GTF2F1: variants seen among roughly 807,000 people sequenced by gnomAD.
The protein encoded by GTF2F1 is general transcription factor IIF subunit 1, also known as general transcription factor IIF 74 kDa subunit.
Under a neutral mutation model 63.5 loss-of-function variants are expected in GTF2F1, and 39 were observed. The observed-to-expected ratio is 0.61, with a 90% CI of 0.48 to 0.80. The LOEUF (loss-of-function observed/expected upper bound fraction) is 0.80, where lower values mean the gene tolerates loss of function less well. Ranked by LOEUF, GTF2F1 falls within the 30% of genes least tolerant of loss-of-function variation. The probability of loss-of-function intolerance (pLI) is 0.00; values close to 1 mark genes in which losing one functional copy is unlikely to be tolerated. For synonymous variants in GTF2F1, 287 were observed against 285.3 expected, an observed-to-expected ratio of 1.01 and a Z score of -0.06; for missense variants, 657 against 718.3, an observed-to-expected ratio of 0.91 and a Z score of 0.97.
At chr19:6,386,396 A>C (rs988602332) in intron 5 of GTF2F1, among the ~76,000 whole-genome samples, 4 of 147,424 alleles carry the variant, frequency 2.7e-5, no homozygotes, top group Non-Finnish European at 4.4e-5. Context: ...TCAAAAAAAA[A>C]CACACAAACA....
At chr19:6,384,923 A>G (rs185840773) in intron 5 of GTF2F1, among the ~76,000 whole-genome samples, 2 of 151,970 alleles carry the variant, frequency 1.3e-5, no homozygotes, top group African/African-American at 4.8e-5. Flanking sequence ...AGCTGGGATT[A>G]CAGGTGCCCG....
At position 6,385,182 on chromosome 19, in the gene GTF2F1, G is replaced by A. The variant is rs989882630; in HGVS notation, c.498-1687C>T. Among the ~76,000 whole-genome samples the A allele has an allele frequency of 2.8e-4, 43 of 151,722 alleles. 1 individual carries two copies. Among genetic ancestry groups the A allele is most frequent in the Non-Finnish European group, 5.9e-5 (4 of 67,922 alleles). On this transcript the variant is annotated intron_variant, in intron 5 of 12. Coordinates refer to ENST00000394456, the MANE Select transcript of GTF2F1 (RefSeq NM_002096.3). The stretch of plus-strand genomic sequence containing the variant: ...TGCCAAAGCGGGCAGATCACTTGAG[G>A]CCAGGAGTTGGAGACCAGCCTGGGC...
At chr19:6,389,825 C>A in intron 3 of GTF2F1, 188 bp from the exon 4 acceptor site, 1 of 516,530 alleles carries the variant, frequency 1.9e-6, no homozygotes, top group Non-Finnish European at 3.4e-6. Flanking sequence ...GCGAGCCTTG[C>A]GCTCTATTTT....
chr19:6,380,058 G>T lies in GTF2F1; in HGVS notation c.*223C>A, dbSNP rs2091940353. On this transcript the variant is annotated 3_prime_UTR_variant, in exon 13 of 13. Transcript: ENST00000394456. This position sits in a 1 kb window ranked among gnomAD's most constrained non-coding sequence, Gnocchi z 5.3. ...TAAGAAGGCCTAACAGGCATCTGAA[G>T]ATTCCAGAAGGAAGGGCCAGAGGAG... 1.2e-5 allele frequency: 7 copies of T among 598,840 alleles called. No homozygotes were observed. Among genetic ancestry groups the T allele is most frequent in the Admixed American group, 2.9e-5 (1 of 34,600 alleles). The allele number at this position is 598,840 out of a possible 1,614,324, so 37.1% of individuals were successfully genotyped here. A position where few individuals can be genotyped will look rare whatever the true frequency, so the allele number is the denominator to read the frequency against.
chr19:6,386,616 T>G (rs531731651), intron 5 of GTF2F1: 1 of 152,070 alleles, frequency 6.6e-6, no homozygotes, highest in Non-Finnish European at 1.5e-5. Flanking sequence ...GCTAATTTTT[T>G]GTATTTTTAG....
intron 5 of GTF2F1, chr19:6,387,057 G>A: frequency 6.7e-6 from 2 of 297,664 alleles, no homozygotes; most frequent in South Asian, 4.9e-5. Flanking sequence ...CTCCTCGGGT[G>A]CCCTGCCTGG....
At position 6,383,388 on chromosome 19, in the gene GTF2F1, G is replaced by T. The variant is rs146906617; in HGVS notation, c.605C>A (p.Ala202Glu). 4 of 1,614,042 alleles carry T rather than the reference G, an allele frequency of 2.5e-6. No individual in the cohort carries two copies. Among genetic ancestry groups the T allele is most frequent in the Non-Finnish European group, 1.7e-6 (2 of 1,180,036 alleles). The change falls in exon 6 of 13, where the codon GCG becomes GAG. Residue 202 changes from alanine (A) to glutamate (E), a missense_variant. Physicochemically the swap from Ala to Glu is moderately radical, Grantham distance 107 (BLOSUM62 -1). Around this residue, in one of 2 missense-constraint regions of GTF2F1, gnomAD observed 602 missense variants for 625.6 expected, o/e 0.96. Coordinates refer to ENST00000394456, the MANE Select transcript of GTF2F1 (RefSeq NM_002096.3). This position sits in a 1 kb window ranked among gnomAD's most constrained non-coding sequence, Gnocchi z 4.5. ...EEKEKRGRRKASELRIHDLED... is the reference protein window; with the variant it reads ...EEKEKRGRRKESELRIHDLED... ...CAGGTCGTGGATGCGCAGCTCGCTC[G>T]CCTTCCTGCGGCCACGTTTCTCCTT...
intron 3 of GTF2F1, among the ~76,000 whole-genome samples, chr19:6,389,969 AT>A (rs2091990134): frequency 6.6e-6 from 1 of 152,242 alleles, no homozygotes; most frequent in Admixed American, 6.5e-5. Flanking sequence ...AGACTTCCCT[AT>A]TATCTACAGC....
rs2091988209 is a variant in GTF2F1 at position 6,389,564 on chromosome 19, C to G, written c.206G>C (p.Ser69Thr). The change falls in exon 4 of 13, where the codon AGT becomes ACT. Residue 69 changes from serine (S) to threonine (T), a missense_variant. Ser to Thr is a moderately conservative substitution (Grantham distance 58). Coordinates refer to ENST00000394456, the MANE Select transcript of GTF2F1 (RefSeq NM_002096.3). ...EEEMPESGAGSEFNRKLREEA... is the reference protein window; with the variant it reads ...EEEMPESGAGTEFNRKLREEA... ...CTCCCGAAGCTTGCGGTTGAACTCA[C>G]TGCCCGCGCCCGATTCGGGCATCTC... 2 of 1,614,242 alleles carry G rather than the reference C, an allele frequency of 1.2e-6. No individual in the cohort carries two copies. Among genetic ancestry groups the G allele is most frequent in the East Asian group, 4.5e-5 (2 of 44,878 alleles).
At position 6,389,580 on chromosome 19, in the gene GTF2F1, C is replaced by A; in HGVS notation, c.190G>T (p.Glu64Ter). The change falls in exon 4 of 13, where the codon GAA (glutamate) becomes TAA (stop). Residue 64 changes from glutamate to a stop codon, truncating the protein, a stop_gained. Transcript: ENST00000394456. LOFTEE classifies it high-confidence loss of function. ...TTGAACTCACTGCCCGCGCCCGATT[C>A]GGGCATCTCCTCCTCTTGGTAGATT... ...KKIYQEEEMPESGAGSEFNRK... is the reference protein window; with the variant it reads ...KKIYQEEEMP The A allele has an allele frequency of 1.9e-6, 3 of 1,614,150 alleles. No individual in the cohort carries two copies. The highest frequency in any genetic ancestry group is 2.5e-6 in the Non-Finnish European group (3 of 1,180,028).
Position 6,383,600 on chromosome 19 carries a change from A to AT in GTF2F1, c.498-106dup, listed in dbSNP as rs1292639129. 1.6e-5 allele frequency: 20 copies of AT among 1,231,152 alleles called. No homozygotes were observed. The highest frequency in any genetic ancestry group is 2.2e-5 in the Non-Finnish European group (19 of 870,976). 76.3% of individuals were successfully genotyped at this position (1,231,152 alleles called of 1,614,324 possible). ...CACCACCCACATAGCCTTCAAGGTG[A>AT]TGTGGCCCCCGGGGACTTGGGCTGT... On this transcript the variant is annotated intron_variant, in intron 5 of 12. Coordinates refer to ENST00000394456, the MANE Select transcript of GTF2F1 (RefSeq NM_002096.3). This position sits in a 1 kb window ranked among gnomAD's most constrained non-coding sequence, Gnocchi z 4.5.
In GTF2F1 at chr19:6,393,099, C is replaced by T; in HGVS notation, c.-104G>A. On this transcript the variant is annotated 5_prime_UTR_variant, in exon 1 of 13. Transcript: ENST00000394456. ...GGGAAGCCGCCGCTCGGTGTCGGGT[C>T]TCTGTGCCTGAGCGAGGACCCCAAC... 6.0e-6 allele frequency: 9 copies of T among 1,491,214 alleles called. No homozygotes were observed. The highest frequency in any genetic ancestry group is 7.5e-6 in the Non-Finnish European group (8 of 1,073,552). 92.4% of individuals were successfully genotyped at this position (1,491,214 alleles called of 1,614,324 possible). A position where few individuals can be genotyped will look rare whatever the true frequency, so the allele number is the denominator to read the frequency against.
Position 6,383,281 on chromosome 19 carries a change from G to T in GTF2F1, c.682+30C>A. The T allele has an allele frequency of 6.2e-7, 1 of 1,607,206 alleles. No homozygotes were observed. ...TGGCACTGCCTGAGCAGGCACCTCT[G>T]TGACCTAATGCCCAGGCGCCCGTAC... is the stretch of plus-strand genomic sequence containing the variant. On this transcript the variant is annotated intron_variant, in intron 6 of 12. Transcript: ENST00000394456. This position sits in a 1 kb window ranked among gnomAD's most constrained non-coding sequence, Gnocchi z 4.5.
rs762730581 is a variant in GTF2F1 at position 6,381,783 on chromosome 19, C to T, written c.750G>A (p.Lys250=). ...CGAAGGCCTCGTCGTCTGAACCCTT[C>T]TTCTTCTTCTTTTTCCTGCCGCCCT... is the stretch of plus-strand genomic sequence containing the variant. ...LAKGGRKKKK[K]KGSDDEAFED... The change falls in exon 7 of 13, where the codon AAG becomes AAA. Residue 250 remains lysine, a synonymous_variant. Coordinates refer to ENST00000394456, the MANE Select transcript of GTF2F1 (RefSeq NM_002096.3). This position sits in a 1 kb window ranked among gnomAD's most constrained non-coding sequence, Gnocchi z 4.1. 57 of 1,613,906 alleles carry T rather than the reference C, an allele frequency of 3.5e-5. No homozygotes were observed. The highest frequency in any genetic ancestry group is 4.6e-5 in the Non-Finnish European group (54 of 1,180,018).
At chr19:6,387,054 G>C (rs1324936848) in intron 5 of GTF2F1, 3 of 292,072 alleles carry the variant, frequency 1.0e-5, no homozygotes, top group Admixed American at 4.7e-5. Flanking sequence ...ACCCTCCTCG[G>C]GTGCCCTGCC....
At chr19:6,392,203 C>A (rs895741883) in intron 2 of GTF2F1, 5 of 580,376 alleles carry the variant, frequency 8.6e-6, no homozygotes, top group Admixed American at 6.5e-5. Context: ...ACAAACCCAC[C>A]CAGCTTCATT....
chr19:6,390,837 G>A (rs570388986), intron 3 of GTF2F1, among the ~76,000 whole-genome samples: 9 of 151,946 alleles, frequency 5.9e-5, no homozygotes, highest in South Asian at 2.1e-4. Flanking sequence ...CCCAGGTCGC[G>A]CCACTGCACT....
chr19:6,382,776 TGAGA>T (rs574502965), intron 6 of GTF2F1, among the ~76,000 whole-genome samples: 2 of 133,870 alleles, frequency 1.5e-5, no homozygotes, highest in Non-Finnish European at 3.1e-5. Flanking sequence ...CCAGCCCATG[TGAGA>T]GAGAGAGAGA....
At chr19:6,382,631 CAA>C (rs575318230) in intron 6 of GTF2F1, among the ~76,000 whole-genome samples, 151 of 109,584 alleles carry the variant, frequency 1.4e-3, no homozygotes, top group African/African-American at 3.2e-3. Flanking sequence ...ACTCTGTCTC[CAA>C]AAAAAAAAAA....
Sources: gnomAD v4.1 joint callset for allele counts (sites outside exome capture counted in the v4.1 genomes callset) on GRCh38, gnomAD v4.1.1 for gene constraint, gnomAD v4.1.1 regional missense constraint, Gnocchi (gnomAD v3.1) non-coding constraint, MANE v1.5 for transcripts, NCBI Gene and HGNC (gene_info 2026-07-23, HGNC 2026-07-21) for gene names.